Variants in USF3 observed in about 807,000 individuals in gnomAD.
USF3 encodes the protein basic helix-loop-helix domain-containing protein USF3.
A neutral mutation model predicts 157.5 loss-of-function variants in USF3; 29 were observed. The ratio of observed to expected loss-of-function variants is 0.18; its 90% confidence interval spans 0.14 to 0.25. The LOEUF is 0.25. Among genes scored for constraint, USF3 ranks in the 10% least tolerant of loss-of-function variants. The pLI, the probability that USF3 is intolerant of heterozygous loss-of-function variation, is 1.00. For synonymous variants in USF3, 893 were observed against 941.4 expected (o/e 0.95, Z 0.94); for missense variants, 2,381 against 2,667.6 (o/e 0.89, Z 2.37).
At chr3:113,672,228 G>A (rs1048509554) in intron 4 of USF3, among the ~76,000 whole-genome samples, 5 of 149,740 alleles carry the variant, frequency 3.3e-5, no homozygotes, top group Admixed American at 2.0e-4. Context: ...TGCATCAAGC[G>A]ATTCTCCTGC....
At chr3:113,662,615 AG>A (rs1947503849) in intron 6 of USF3, among the ~76,000 whole-genome samples, 1 of 152,226 alleles carries the variant, frequency 6.6e-6, no homozygotes, top group African/African-American at 2.4e-5. Flanking sequence ...GTCCACGGAC[AG>A]TAGAAATTAA....
chr3:113,693,349 G>A (rs1182208473), intron 1 of USF3, among the ~76,000 whole-genome samples: 1 of 152,150 alleles, frequency 6.6e-6, no homozygotes, highest in Non-Finnish European at 1.5e-5. Context: ...AGTATGGTGG[G>A]GAAGGCATAT....
At chr3:113,688,006 A>C (rs935298607) in intron 1 of USF3, among the ~76,000 whole-genome samples, 1 of 152,240 alleles carries the variant, frequency 6.6e-6, no homozygotes, top group Non-Finnish European at 1.5e-5. Flanking sequence ...AGCTAATTCA[A>C]AGTTTAACTC....
At chr3:113,686,788 A>AT (rs1337621375) in intron 1 of USF3, among the ~76,000 whole-genome samples, 1 of 152,036 alleles carries the variant, frequency 6.6e-6, no homozygotes, top group African/African-American at 2.4e-5. Context: ...ACTTAACTGG[A>AT]TTTTTTTCAT....
Position 113,659,784 on chromosome 3 carries a change from A to C in USF3, c.1898T>G (p.Leu633Arg). 3.1e-6 allele frequency: 5 copies of C among 1,614,258 alleles called. No homozygotes were observed. The highest frequency in any genetic ancestry group is 3.4e-6 in the Non-Finnish European group (4 of 1,180,042). Reference protein sequence around the residue: ...PTPQTFGGKHLVHILPRPSSL... With the variant: ...PTPQTFGGKHRVHILPRPSSL... ...TGAAGGTCTTGGTAATATGTGGACA[A>C]GATGCTTTCCTCCAAAAGTCTGTGG... Residue 633 changes from leucine (L) to arginine (R), a missense_variant, in exon 7 of 7, where the codon CTT (leucine) becomes CGT (arginine). By Grantham distance (102) the Leu-to-Arg change is moderately radical. Coordinates refer to ENST00000316407, the MANE Select transcript of USF3 (RefSeq NM_001009899.4).
intron 1 of USF3, among the ~76,000 whole-genome samples, chr3:113,680,528 T>C (rs1053793113): frequency 2.0e-5 from 3 of 152,182 alleles, no homozygotes; most frequent in Non-Finnish European, 4.4e-5. Context: ...AACAAACTTT[T>C]TGGCCAGGCA....
At chr3:113,683,896 C>G (rs1458914750) in intron 1 of USF3, among the ~76,000 whole-genome samples, 1 of 152,220 alleles carries the variant, frequency 6.6e-6, no homozygotes, top group Non-Finnish European at 1.5e-5. Flanking sequence ...GTATCTTACA[C>G]ACTAGAATTA....
Position 113,650,120 on chromosome 3 carries a change from T to G in USF3, c.*4824A>C. On this transcript the variant is annotated 3_prime_UTR_variant, in exon 7 of 7. Coordinates refer to ENST00000316407, the MANE Select transcript of USF3 (RefSeq NM_001009899.4). ...TACCTCCAGGCAAAGGTAGCATTTA[T>G]ATAGACAACAAAATTACAAAAATGG... 2.1e-6 allele frequency: 1 copy of G among 473,304 alleles called. No homozygotes were observed. The highest frequency in any genetic ancestry group is 3.8e-6 in the Non-Finnish European group (1 of 266,304). 29.3% of individuals were successfully genotyped at this position (473,304 alleles called of 1,614,324 possible).
intron 1 of USF3, among the ~76,000 whole-genome samples, chr3:113,686,317 C>T (rs1293489346): frequency 6.6e-6 from 1 of 152,190 alleles, no homozygotes; most frequent in Non-Finnish European, 1.5e-5. Context: ...CTCTCCCTCC[C>T]CCAAGCACAG....
Position 113,650,684 on chromosome 3 carries a change from G to A in USF3, c.*4260C>T, listed in dbSNP as rs1207696181. The A allele has an allele frequency of 3.3e-5, 5 of 152,178 alleles. No individual in the cohort carries two copies. Among genetic ancestry groups the A allele is most frequent in the African/African-American group, 1.2e-4 (5 of 41,426 alleles). 9.4% of individuals were successfully genotyped at this position (152,178 alleles called of 1,614,324 possible). On this transcript the variant is annotated 3_prime_UTR_variant, in exon 7 of 7. Transcript: ENST00000316407. ...TGAAATGGCTAATGTTAGAAGGCAAGAGCAAGGCAAATAAATTATCTTTAA... is the reference window on the plus strand; with the variant it reads ...TGAAATGGCTAATGTTAGAAGGCAAAAGCAAGGCAAATAAATTATCTTTAA...
Position 113,649,667 on chromosome 3 carries a change from A to G in USF3, c.*5277T>C, listed in dbSNP as rs1237210274. On this transcript the variant is annotated 3_prime_UTR_variant, in exon 7 of 7. Coordinates refer to ENST00000316407, the MANE Select transcript of USF3 (RefSeq NM_001009899.4). ...GCTATAACAGAGGAGTGGGTGAGTG[A>G]TATGTTCCAACAGCTGGTCTAAAGA... 15 of 578,878 alleles carry G rather than the reference A, an allele frequency of 2.6e-5. No homozygotes were observed. The highest frequency in any genetic ancestry group is 4.6e-5 in the Non-Finnish European group (15 of 328,058). 35.9% of individuals were successfully genotyped at this position (578,878 alleles called of 1,614,324 possible).
chr3:113,679,411 CTTTTTTTTTTTT>C (rs34641216), intron 1 of USF3, among the ~76,000 whole-genome samples: 1 of 118,040 alleles, frequency 8.5e-6, no homozygotes, highest in Non-Finnish European at 1.8e-5. Context: ...AGAGAAAGTT[CTTTTTTTTTTTT>C]TTTTTTTTGA....
In USF3 at chr3:113,659,263, C is replaced by T. The variant is rs1947431498; in HGVS notation, c.2419G>A (p.Ala807Thr). Residue 807 changes from alanine (A) to threonine (T), a missense_variant, in exon 7 of 7, where the codon GCA (alanine) becomes ACA (threonine). Physicochemically the swap from Ala to Thr is moderately conservative, Grantham distance 58. Coordinates refer to ENST00000316407, the MANE Select transcript of USF3 (RefSeq NM_001009899.4). ...TTCAGGGGACACGCTGACTTGTTTG[C>T]TGCTAAGTGTTTCCTGCCACCTGGC... The part of the protein sequence containing the change: ...KKPGGRKHLA[A>T]NKSACPLNSV... The T allele has an allele frequency of 6.2e-7, 1 of 1,614,196 alleles. No homozygotes were observed. Among genetic ancestry groups the T allele is most frequent in the East Asian group, 2.2e-5 (1 of 44,880 alleles).
intron 1 of USF3, among the ~76,000 whole-genome samples, chr3:113,682,800 C>T (rs1707463336): frequency 6.6e-6 from 1 of 151,024 alleles, no homozygotes; most frequent in Non-Finnish European, 1.5e-5. Context: ...CATTTGTATG[C>T]TATATCTTTT....
chr3:113,675,847 TTTC>T lies in USF3; in HGVS notation c.-18-954_-18-952del, dbSNP rs368077638. On this transcript the variant is annotated intron_variant, in intron 2 of 6. Coordinates refer to ENST00000316407, the MANE Select transcript of USF3 (RefSeq NM_001009899.4). ...TCTTGAACATTTTGCTGCTTAGAAA[TTTC>T]TTCCACCGGATAACCTAAATTCTCT... is the stretch of plus-strand genomic sequence containing the variant. 2.3e-3 allele frequency among the ~76,000 whole-genome samples: 346 copies of T among 152,204 alleles called. 2 individuals carry two copies. Among genetic ancestry groups the T allele is most frequent in the African/African-American group, 7.6e-3 (316 of 41,530 alleles).
rs1947233927 is a variant in USF3 at position 113,650,024 on chromosome 3, T to C, written c.*4920A>G. 5.0e-6 allele frequency: 3 copies of C among 604,308 alleles called. No homozygotes were observed. The highest frequency in any genetic ancestry group is 8.8e-6 in the Non-Finnish European group (3 of 339,910). The allele number at this position is 604,308 out of a possible 1,614,324, so 37.4% of individuals were successfully genotyped here. On this transcript the variant is annotated 3_prime_UTR_variant, in exon 7 of 7. Transcript: ENST00000316407. ...GTATCATAAAATCATCACTCACAGA[T>C]TAACTTCACTAGTTTGTCTGGTTGT...
At chr3:113,673,049 C>T (rs1186964187) in intron 4 of USF3, among the ~76,000 whole-genome samples, 1 of 152,176 alleles carries the variant, frequency 6.6e-6, no homozygotes, top group Non-Finnish European at 1.5e-5. Context: ...ACCCTCCATA[C>T]TATCTAGGAG....
At chr3:113,692,165 C>T (rs1436453878) in intron 1 of USF3, among the ~76,000 whole-genome samples, 3 of 152,140 alleles carry the variant, frequency 2.0e-5, no homozygotes, top group Non-Finnish European at 2.9e-5. Context: ...TCCTGCTGTG[C>T]GGCCTGATTC....
intron 1 of USF3, among the ~76,000 whole-genome samples, chr3:113,696,162 G>A (rs1409189900): frequency 6.6e-6 from 1 of 152,212 alleles, no homozygotes; most frequent in African/African-American, 2.4e-5. Flanking sequence ...GGAGATGAGG[G>A]GTGCGCTCGC....
Sources: gnomAD v4.1 joint callset for allele counts (sites outside exome capture counted in the v4.1 genomes callset) on GRCh38, gnomAD v4.1.1 for gene constraint, MANE v1.5 for transcripts, NCBI Gene and HGNC (gene_info 2026-07-23, HGNC 2026-07-21) for gene names.